Variants in NTM observed in about 807,000 individuals in gnomAD.
NTM encodes IgLON family member 2.
NTM carries 13 observed loss-of-function variants against 42.1 expected under a neutral mutation model. The observed-to-expected ratio is 0.31, with a 90% CI of 0.20 to 0.49. The LOEUF is 0.49. Among genes scored for constraint, NTM ranks in the 20% least tolerant of loss-of-function variants. The pLI, the probability that NTM is intolerant of heterozygous loss-of-function variation, is 0.99. For synonymous variants in NTM, 187 were observed against 179.2 expected (o/e 1.04, Z -0.35); for missense variants, 373 against 452.8 (o/e 0.82, Z 1.60).
chr11:132,161,823 C>T (rs1023758965), intron 3 of NTM, among the ~76,000 whole-genome samples: 2 of 152,310 alleles, frequency 1.3e-5, no homozygotes, highest in East Asian at 1.9e-4. Flanking sequence ...TGGGTTTCGC[C>T]TCCAACACTC....
intron 1 of NTM, among the ~76,000 whole-genome samples, chr11:131,422,611 A>C (rs538361555): frequency 1.3e-5 from 2 of 152,310 alleles, no homozygotes; most frequent in South Asian, 4.1e-4. Context: ...CCCGCTCCAA[A>C]TCATACAGAA....
chr11:131,693,515 C>T (rs779618458), intron 1 of NTM, among the ~76,000 whole-genome samples: 5 of 152,242 alleles, frequency 3.3e-5, no homozygotes, highest in South Asian at 2.1e-4. Flanking sequence ...ACTCAGGCCC[C>T]GTGCCTGACT....
At chr11:131,984,248 G>T (rs1183611631) in intron 2 of NTM, among the ~76,000 whole-genome samples, 1 of 152,182 alleles carries the variant, frequency 6.6e-6, no homozygotes, top group African/African-American at 2.4e-5. Flanking sequence ...TTCATGATCA[G>T]CCATGGCTGT....
chr11:132,174,779 G>A (rs1034457057), intron 3 of NTM, among the ~76,000 whole-genome samples: 1 of 151,986 alleles, frequency 6.6e-6, no homozygotes, highest in Non-Finnish European at 1.5e-5. Context: ...TTTAAACCAC[G>A]ATCGCCTTGG....
At chr11:132,072,304 C>T (rs1448015627) in intron 2 of NTM, among the ~76,000 whole-genome samples, 2 of 152,114 alleles carry the variant, frequency 1.3e-5, no homozygotes, top group Non-Finnish European at 2.9e-5. Flanking sequence ...TTAGAATCTT[C>T]TTTGATTGTG....
chr11:132,106,922 A>G (rs929133112), intron 2 of NTM, among the ~76,000 whole-genome samples: 2 of 152,132 alleles, frequency 1.3e-5, no homozygotes, highest in African/African-American at 4.8e-5. Flanking sequence ...GGAAGCATGT[A>G]CCTAGATTAT....
At position 131,559,488 on chromosome 11, in the gene NTM, A is replaced by G. The variant is rs117487199; in HGVS notation, c.82+188600A>G. ...GAAAAGCTAGGTATATTCACCACAC[A>G]GTCTCAAATTTGTTAGATAAAATTC... On this transcript the variant is annotated intron_variant, in intron 1 of 8. Transcript: ENST00000683400. 7.5e-3 allele frequency among the ~76,000 whole-genome samples: 1,146 copies of G among 152,298 alleles called. 9 individuals carry two copies. The highest frequency in any genetic ancestry group is 0.025 in the African/African-American group (1,035 of 41,558).
chr11:132,113,842 G>C (rs889076524), intron 2 of NTM, among the ~76,000 whole-genome samples: 6 of 152,182 alleles, frequency 3.9e-5, no homozygotes, highest in African/African-American at 1.4e-4. Flanking sequence ...CAAAGGGCTG[G>C]CTGGGCTCAG....
chr11:131,492,873 G>C (rs1319718822), intron 1 of NTM, among the ~76,000 whole-genome samples: 1 of 152,112 alleles, frequency 6.6e-6, no homozygotes, highest in Non-Finnish European at 1.5e-5. Context: ...GCTGCAAACT[G>C]TTTGGCCTCT....
At chr11:132,230,977 A>T (rs1421483319) in intron 4 of NTM, among the ~76,000 whole-genome samples, 1 of 152,180 alleles carries the variant, frequency 6.6e-6, no homozygotes, top group African/African-American at 2.4e-5. Flanking sequence ...ACACTACTGC[A>T]CTCCAGCCTG....
intron 1 of NTM, among the ~76,000 whole-genome samples, chr11:131,816,646 A>G (rs1181492173): frequency 6.6e-6 from 1 of 152,170 alleles, no homozygotes. Flanking sequence ...GTACACCTCT[A>G]TAACAACCCT....
intron 2 of NTM, among the ~76,000 whole-genome samples, chr11:132,118,991 C>A (rs1045532325): frequency 2.0e-5 from 3 of 152,126 alleles, no homozygotes; most frequent in South Asian, 2.1e-4. Flanking sequence ...GCCTCTCCCC[C>A]CAGCCTGCCA....
intron 2 of NTM, among the ~76,000 whole-genome samples, chr11:131,947,602 T>G (rs1314003717): frequency 1.3e-5 from 2 of 152,160 alleles, no homozygotes; most frequent in African/African-American, 4.8e-5. Flanking sequence ...GAATAGAACA[T>G]CTGTAAGACA....
intron 1 of NTM, among the ~76,000 whole-genome samples, chr11:131,881,151 C>T (rs568113587): frequency 4.6e-5 from 7 of 152,138 alleles, no homozygotes; most frequent in South Asian, 2.1e-4. Flanking sequence ...AGGAGGCCTT[C>T]GCTCAGCTGT....
intron 1 of NTM, among the ~76,000 whole-genome samples, chr11:131,570,295 T>C (rs188402652): frequency 6.2e-4 from 94 of 152,342 alleles, no homozygotes; most frequent in African/African-American, 2.2e-3. Context: ...TTTCACTTTG[T>C]AAAGCTCTAA....
At chr11:131,806,082 A>G (rs1246924840) in intron 1 of NTM, among the ~76,000 whole-genome samples, 2 of 152,184 alleles carry the variant, frequency 1.3e-5, no homozygotes, top group African/African-American at 4.8e-5. Flanking sequence ...TCTTTATATA[A>G]GCATGAAAAC....
intron 1 of NTM, among the ~76,000 whole-genome samples, chr11:131,845,812 G>A: frequency 6.6e-6 from 1 of 151,726 alleles, no homozygotes; most frequent in Non-Finnish European, 1.5e-5. Flanking sequence ...ATTTGCTAAT[G>A]TTTACCCGAG....
chr11:131,573,373 G>A (rs2057635669), intron 1 of NTM, among the ~76,000 whole-genome samples: 1 of 152,172 alleles, frequency 6.6e-6, no homozygotes, highest in Admixed American at 6.5e-5. Flanking sequence ...TGCATAAAGT[G>A]CCTCACAGTA....
At chr11:131,988,380 A>G (rs1409744749) in intron 2 of NTM, among the ~76,000 whole-genome samples, 1 of 152,102 alleles carries the variant, frequency 6.6e-6, no homozygotes, top group East Asian at 1.9e-4. Context: ...CGGATATCCA[A>G]CTCCATTCCA....
Sources: gnomAD v4.1 joint callset for allele counts (sites outside exome capture counted in the v4.1 genomes callset) on GRCh38, gnomAD v4.1.1 for gene constraint, MANE v1.5 for transcripts, NCBI Gene and HGNC (gene_info 2026-07-23, HGNC 2026-07-21) for gene names.